CNTN5: variants seen among roughly 807,000 people sequenced by gnomAD.
CNTN5 encodes contactin 5, also known as contactin-5.
Under a neutral mutation model 129.1 loss-of-function variants are expected in CNTN5, and 77 were observed. The observed-to-expected ratio is 0.60, with a 90% CI of 0.50 to 0.72. The LOEUF (loss-of-function observed/expected upper bound fraction) is 0.72. Ranked by LOEUF, CNTN5 falls within the 30% of genes least tolerant of loss-of-function variation. The pLI is 0.00. For missense variants in CNTN5, 1,478 were observed against 1,328.8 expected, an observed-to-expected ratio of 1.11 and a Z score of -1.75; for synonymous variants, 509 against 465.6, an observed-to-expected ratio of 1.09 and a Z score of -1.20.
At chr11:99,343,722 C>T (rs1019589188) in intron 2 of CNTN5, among the ~76,000 whole-genome samples, 4 of 152,024 alleles carry the variant, frequency 2.6e-5, no homozygotes, top group African/African-American at 9.7e-5. Context: ...AAATGAAAAA[C>T]TCATAATGAC....
At chr11:99,824,114 A>G (rs2135575785) in intron 4 of CNTN5, among the ~76,000 whole-genome samples, 1 of 152,112 alleles carries the variant, frequency 6.6e-6, no homozygotes, top group East Asian at 1.9e-4. Context: ...TACATGTCAA[A>G]TGGATTTTTT....
At chr11:100,039,853 C>T (rs58255575) in intron 9 of CNTN5, among the ~76,000 whole-genome samples, 16,068 of 152,156 alleles carry the variant, frequency 0.11, 929 homozygotes, top group East Asian at 0.18. Context: ...CATTGGTTAT[C>T]CTGGTTATCC....
At chr11:99,517,004 T>G (rs1440957479) in intron 2 of CNTN5, among the ~76,000 whole-genome samples, 1 of 152,100 alleles carries the variant, frequency 6.6e-6, no homozygotes, top group African/African-American at 2.4e-5. Flanking sequence ...ATTTGGTAAG[T>G]AGAATAAAAG....
chr11:99,024,557 G>A (rs1863025655), intron 1 of CNTN5, among the ~76,000 whole-genome samples: 1 of 152,090 alleles, frequency 6.6e-6, no homozygotes, highest in East Asian at 1.9e-4. Flanking sequence ...GCTAATTGTA[G>A]ATAATTTTAT....
At chr11:99,715,791 C>T (rs1955193685) in intron 3 of CNTN5, among the ~76,000 whole-genome samples, 1 of 151,768 alleles carries the variant, frequency 6.6e-6, no homozygotes, top group Admixed American at 6.6e-5. Context: ...TCTCTTTATT[C>T]TTCATATTCA....
chr11:99,727,312 C>CAAAAAAAAAAAAAA (rs397936738), intron 3 of CNTN5, among the ~76,000 whole-genome samples: 4 of 24,302 alleles, frequency 1.6e-4, no homozygotes, highest in South Asian at 2.8e-3. Context: ...GACTCCGTCT[C>CAAAAAAAAAAAAAA]AAAAAAAAAA....
intron 1 of CNTN5, among the ~76,000 whole-genome samples, chr11:99,179,976 T>C (rs1033716650): frequency 5.9e-5 from 9 of 152,316 alleles, no homozygotes; most frequent in Admixed American, 3.9e-4. Flanking sequence ...ATTCTCTCTA[T>C]ATCTCCCTGA....
intron 1 of CNTN5, among the ~76,000 whole-genome samples, chr11:99,208,488 T>C (rs1463791402): frequency 6.6e-6 from 1 of 152,180 alleles, no homozygotes; most frequent in Admixed American, 6.5e-5. Context: ...TATAATAATA[T>C]ACACTTTCTT....
chr11:99,061,587 A>C (rs1251856915), intron 1 of CNTN5, among the ~76,000 whole-genome samples: 1 of 151,950 alleles, frequency 6.6e-6, no homozygotes, highest in Non-Finnish European at 1.5e-5. Flanking sequence ...AATAACACAC[A>C]CTCCAGATAA....
Position 100,281,996 on chromosome 11 carries a change from ATT to A in CNTN5, c.2314+10773_2314+10774del, listed in dbSNP as rs34162956. On this transcript the variant is annotated intron_variant, in intron 18 of 24. Transcript: ENST00000524871. ...ATTCTGAATTCTTTCTTGGCATTCT[ATT>A]TTTTTTTTTTTTTTTTTACTTTCCT... 9.9e-3 allele frequency among the ~76,000 whole-genome samples: 1,221 copies of A among 123,110 alleles called. 12 individuals are homozygous for A. Among genetic ancestry groups the A allele is most frequent in the African/African-American group, 0.025 (843 of 33,960 alleles). 80.8% of individuals were successfully genotyped at this position (123,110 alleles called of 152,430 possible). A position where few individuals can be genotyped will look rare whatever the true frequency, so the allele number is the denominator to read the frequency against.
intron 1 of CNTN5, among the ~76,000 whole-genome samples, chr11:99,176,715 C>T (rs1857791951): frequency 6.6e-6 from 1 of 152,188 alleles, no homozygotes; most frequent in South Asian, 2.1e-4. Flanking sequence ...TCCACCACTA[C>T]AACCCTTGGT....
At chr11:100,283,171 C>G (rs1950678613) in intron 18 of CNTN5, among the ~76,000 whole-genome samples, 1 of 152,264 alleles carries the variant, frequency 6.6e-6, no homozygotes, top group South Asian at 2.1e-4. Flanking sequence ...GGGTCTTTCC[C>G]TTCAAGGTAG....
intron 13 of CNTN5, among the ~76,000 whole-genome samples, chr11:100,126,135 T>G (rs1423561119): frequency 6.6e-6 from 1 of 152,190 alleles, no homozygotes; most frequent in East Asian, 1.9e-4. Context: ...TGGTATTGGT[T>G]TACAGTTGTA....
chr11:99,763,858 A>G (rs975436382), intron 3 of CNTN5, among the ~76,000 whole-genome samples: 1 of 148,848 alleles, frequency 6.7e-6, no homozygotes, highest in Non-Finnish European at 1.5e-5. Context: ...TATTAAATTG[A>G]AAAAAATTCT....
At chr11:99,846,118 A>C (rs1039433181) in intron 6 of CNTN5, among the ~76,000 whole-genome samples, 3 of 123,954 alleles carry the variant, frequency 2.4e-5, no homozygotes, top group African/African-American at 9.4e-5. Flanking sequence ...GTATGTGGCT[A>C]TACGGACATA....
chr11:99,467,496 TC>T, intron 2 of CNTN5, among the ~76,000 whole-genome samples: 1 of 152,306 alleles, frequency 6.6e-6, no homozygotes, highest in South Asian at 2.1e-4. Context: ...ATCATGAATG[TC>T]TGATCCTTGT....
At chr11:100,145,560 G>T (rs145546734) in intron 13 of CNTN5, among the ~76,000 whole-genome samples, 1 of 152,242 alleles carries the variant, frequency 6.6e-6, no homozygotes, top group Non-Finnish European at 1.5e-5. Context: ...CTACCTAATA[G>T]GTTTCCTTAA....
chr11:99,432,464 C>CTTTCCTTTTCTTTTCTTTTCTTTT lies in CNTN5; in HGVS notation c.-71+106980_-71+106981insTTTCCTTTTCTTTTCTTTTCTTTT, dbSNP rs1555143589. On this transcript the variant is annotated intron_variant, in intron 2 of 24. Coordinates refer to ENST00000524871, the MANE Select transcript of CNTN5 (RefSeq NM_014361.4). The stretch of plus-strand genomic sequence containing the variant: ...CCTTTTCTTTTCTTTTCTTTTCTTT[C>CTTTCCTTTTCTTTTCTTTTCTTTT]CTTTTCTTTTCTTTTCTTTTCTTTT... 1.3e-4 allele frequency among the ~76,000 whole-genome samples: 15 copies of CTTTCCTTTTCTTTTCTTTTCTTTT among 116,422 alleles called. No individual in the cohort carries two copies. The East Asian group carries it at 2.3e-3, about 18-fold the overall frequency. The allele number at this position is 116,422 out of a possible 152,430, so 76.4% of individuals were successfully genotyped here.
At chr11:100,148,758 C>G (rs1287107372) in intron 13 of CNTN5, among the ~76,000 whole-genome samples, 2 of 152,070 alleles carry the variant, frequency 1.3e-5, no homozygotes, top group Admixed American at 6.6e-5. Flanking sequence ...AAACTGGGCA[C>G]TCTTGTAACA....
Sources: allele counts gnomAD v4.1 joint callset (sites outside exome capture counted in the v4.1 genomes callset), GRCh38; gene constraint gnomAD v4.1.1; transcripts MANE v1.5; gene names NCBI Gene and HGNC (gene_info 2026-07-23, HGNC 2026-07-21).